The following PPFIA2 variants were observed in gnomAD, a reference collection of about 807,000 sequenced individuals.
PPFIA2 encodes the protein PPFI scaffold protein A2, also known as liprin-alpha-2.
PPFIA2 carries 46 observed loss-of-function variants against 175.5 expected under a neutral mutation model. The observed-to-expected ratio is 0.26, with a 90% CI of 0.21 to 0.34. PPFIA2 has a LOEUF of 0.34. Ranked by LOEUF, PPFIA2 falls within the 10% of genes least tolerant of loss-of-function variation. The pLI, the probability that PPFIA2 is intolerant of heterozygous loss-of-function variation, is 1.00. For missense variants in PPFIA2, 1,179 were observed against 1,506.1 expected (o/e 0.78, Z 3.60); for synonymous variants, 568 against 511.4 (o/e 1.11, Z -1.49).
chr12:81,593,861 A>T (rs574954419), intron 4 of PPFIA2, among the ~76,000 whole-genome samples: 1 of 152,288 alleles, frequency 6.6e-6, no homozygotes, highest in Non-Finnish European at 1.5e-5. Context: ...AATTTCTGTC[A>T]TTTAAGGCAG....
intron 22 of PPFIA2, among the ~76,000 whole-genome samples, chr12:81,301,223 T>G (rs2138372309): frequency 6.6e-6 from 1 of 152,002 alleles, no homozygotes; most frequent in Non-Finnish European, 1.5e-5. Flanking sequence ...GGAAGAAAAT[T>G]TAGGGTAGGC....
chr12:81,483,871 T>C (rs1310730576), intron 4 of PPFIA2, among the ~76,000 whole-genome samples: 1 of 152,098 alleles, frequency 6.6e-6, no homozygotes, highest in Non-Finnish European at 1.5e-5. Flanking sequence ...ACATTATAAA[T>C]GTAATCATTT....
intron 4 of PPFIA2, among the ~76,000 whole-genome samples, chr12:81,676,143 T>C (rs2072468646): frequency 6.6e-6 from 1 of 152,092 alleles, no homozygotes; most frequent in South Asian, 2.1e-4. Context: ...ATGCATTGAC[T>C]ATTTGTTGAT....
At chr12:81,428,168 G>T (rs944684734) in intron 7 of PPFIA2, among the ~76,000 whole-genome samples, 5 of 151,548 alleles carry the variant, frequency 3.3e-5, no homozygotes, top group African/African-American at 9.7e-5. Flanking sequence ...TATTAATAGA[G>T]AAAAAAAGCA....
intron 4 of PPFIA2, among the ~76,000 whole-genome samples, chr12:81,566,867 G>A (rs781126680): frequency 6.6e-6 from 1 of 152,138 alleles, no homozygotes; most frequent in Non-Finnish European, 1.5e-5. Flanking sequence ...TTTATACACT[G>A]ACATAGATGT....
intron 22 of PPFIA2, among the ~76,000 whole-genome samples, chr12:81,316,755 C>G (rs1392212658): frequency 6.6e-6 from 1 of 151,426 alleles, no homozygotes; most frequent in Non-Finnish European, 1.5e-5. Flanking sequence ...AATATGCTAC[C>G]CTTTCCAGAG....
At chr12:81,361,997 GTATCTATGTATC>G (rs1477463536) in intron 15 of PPFIA2, among the ~76,000 whole-genome samples, 4 of 122,930 alleles carry the variant, frequency 3.3e-5, no homozygotes, top group African/African-American at 6.5e-5. Flanking sequence ...ATCTATCTAT[GTATCTATGTATC>G]TATCTATCTA....
At chr12:81,369,759 A>G (rs2034580594) in intron 11 of PPFIA2, among the ~76,000 whole-genome samples, 1 of 151,726 alleles carries the variant, frequency 6.6e-6, no homozygotes, top group Admixed American at 6.6e-5. Context: ...TCAGAACTAA[A>G]GACACTGACA....
intron 3 of PPFIA2, among the ~76,000 whole-genome samples, chr12:81,721,434 C>A (rs1347162400): frequency 6.7e-6 from 1 of 150,014 alleles, no homozygotes; most frequent in African/African-American, 2.4e-5. Context: ...CCATTAACAC[C>A]TAATACACAC....
At chr12:81,496,148 C>A (rs2060000716) in intron 4 of PPFIA2, among the ~76,000 whole-genome samples, 1 of 152,066 alleles carries the variant, frequency 6.6e-6, no homozygotes, top group South Asian at 2.1e-4. Context: ...GCATCTCCTC[C>A]CTCCTCCGCT....
chr12:81,720,896 C>A (rs10506849), intron 3 of PPFIA2, among the ~76,000 whole-genome samples: 23,117 of 151,100 alleles, frequency 0.15, 1,904 homozygotes, highest in Middle Eastern at 0.23. Flanking sequence ...TAACTAATAA[C>A]AGCTCATAAA....
At chr12:81,343,860 C>T (rs1213960274) in intron 19 of PPFIA2, among the ~76,000 whole-genome samples, 1 of 152,018 alleles carries the variant, frequency 6.6e-6, no homozygotes, top group African/African-American at 2.4e-5. Flanking sequence ...GAGGATGCTC[C>T]TCTAACCCTA....
chr12:81,355,810 CT>C (rs1394315531), intron 16 of PPFIA2, among the ~76,000 whole-genome samples: 1 of 152,138 alleles, frequency 6.6e-6, no homozygotes, highest in Non-Finnish European at 1.5e-5. Flanking sequence ...TGGTCTTGCT[CT>C]GGGTTATGCT....
intron 4 of PPFIA2, among the ~76,000 whole-genome samples, chr12:81,538,229 C>A (rs1254468323): frequency 1.3e-5 from 2 of 151,822 alleles, no homozygotes; most frequent in African/African-American, 4.8e-5. Flanking sequence ...GAATACATAG[C>A]ATAATTACTG....
chr12:81,444,912 T>C (rs951667447), intron 6 of PPFIA2, among the ~76,000 whole-genome samples: 2 of 152,108 alleles, frequency 1.3e-5, no homozygotes, highest in African/African-American at 4.8e-5. Flanking sequence ...CCTAAGGATA[T>C]TATCATCATA....
At chr12:81,363,951 CA>C (rs971398313) in intron 14 of PPFIA2, among the ~76,000 whole-genome samples, 4 of 151,810 alleles carry the variant, frequency 2.6e-5, no homozygotes, top group Non-Finnish European at 5.9e-5. Flanking sequence ...AGTGAGCTGA[CA>C]AATGTCTTGC....
At chr12:81,536,649 A>G (rs2065424999) in intron 4 of PPFIA2, among the ~76,000 whole-genome samples, 1 of 149,018 alleles carries the variant, frequency 6.7e-6, no homozygotes, top group Non-Finnish European at 1.5e-5. Flanking sequence ...TAATAAATAT[A>G]TTTATTGAGT....
intron 7 of PPFIA2, among the ~76,000 whole-genome samples, chr12:81,435,059 G>T (rs189295238): frequency 4.9e-4 from 75 of 152,160 alleles, no homozygotes; most frequent in African/African-American, 1.8e-3. Context: ...TTCCAGAAAA[G>T]AACATATAGT....
intron 4 of PPFIA2, among the ~76,000 whole-genome samples, chr12:81,611,091 C>G (rs2060855462): frequency 6.6e-6 from 1 of 152,038 alleles, no homozygotes; most frequent in South Asian, 2.1e-4. Context: ...CTTCTACTTC[C>G]TAGCATTCGC....
Sources: gnomAD v4.1 joint callset for allele counts (sites outside exome capture counted in the v4.1 genomes callset) on GRCh38, gnomAD v4.1.1 for gene constraint, MANE v1.5 for transcripts, NCBI Gene and HGNC (gene_info 2026-07-23, HGNC 2026-07-21) for gene names.